Variants in GRIK2 observed in about 807,000 individuals in gnomAD.
GRIK2 encodes the protein glutamate ionotropic receptor kainate type subunit 2, also known as glutamate receptor ionotropic, kainate 2.
Under a neutral mutation model 100.3 loss-of-function variants are expected in GRIK2, and 32 were observed. That is an observed-to-expected ratio of 0.32 (90% CI 0.24 to 0.43). The LOEUF is 0.43. Among genes scored for constraint, GRIK2 ranks in the 20% least tolerant of loss-of-function variants. GRIK2 has a pLI of 1.00. For synonymous variants in GRIK2, 417 were observed against 389.4 expected, an observed-to-expected ratio of 1.07 and a Z score of -0.83; for missense variants, 843 against 1,114.9, an observed-to-expected ratio of 0.76 and a Z score of 3.47.
intron 2 of GRIK2, among the ~76,000 whole-genome samples, chr6:101,486,348 C>A (rs918324083): frequency 4.1e-5 from 5 of 122,658 alleles, no homozygotes; most frequent in African/African-American, 1.6e-4. Flanking sequence ...TGTCTGTAGC[C>A]GAACTTGAAA....
chr6:101,395,422 A>G (rs1774962880), intron 1 of GRIK2, among the ~76,000 whole-genome samples: 1 of 152,164 alleles, frequency 6.6e-6, no homozygotes, highest in African/African-American at 2.4e-5. Context: ...CCTTTGAAAC[A>G]TCTTTGAAAT....
chr6:101,765,167 T>G (rs1009764323), intron 7 of GRIK2, among the ~76,000 whole-genome samples: 5 of 152,140 alleles, frequency 3.3e-5, no homozygotes, highest in Non-Finnish European at 7.4e-5. Flanking sequence ...TCAGTTAGTG[T>G]TTTTTGTATG....
At chr6:101,803,750 T>C (rs560840869) in intron 9 of GRIK2, among the ~76,000 whole-genome samples, 1 of 152,092 alleles carries the variant, frequency 6.6e-6, no homozygotes, top group East Asian at 1.9e-4. Context: ...ATGGCAGTGC[T>C]CTTCATATTA....
At chr6:101,443,522 T>C (rs1770198027) in intron 2 of GRIK2, among the ~76,000 whole-genome samples, 1 of 152,140 alleles carries the variant, frequency 6.6e-6, no homozygotes, top group Admixed American at 6.6e-5. Flanking sequence ...AATCAAGGAA[T>C]TCAATTTTGT....
intron 2 of GRIK2, among the ~76,000 whole-genome samples, chr6:101,484,302 A>C (rs1404616446): frequency 6.6e-6 from 1 of 152,074 alleles, no homozygotes; most frequent in East Asian, 1.9e-4. Flanking sequence ...CTATCCTGCT[A>C]TTTGTGGTTT....
At chr6:102,030,133 A>G (rs1244733031) in intron 14 of GRIK2, among the ~76,000 whole-genome samples, 1 of 151,296 alleles carries the variant, frequency 6.6e-6, no homozygotes, top group Non-Finnish European at 1.5e-5. Context: ...TACACATGGA[A>G]TGTAAAACAA....
intron 14 of GRIK2, among the ~76,000 whole-genome samples, chr6:101,932,103 G>T (rs1790326073): frequency 6.6e-6 from 1 of 151,956 alleles, no homozygotes. Context: ...TATTTTTGAA[G>T]TGAGTCACAT....
chr6:101,565,939 A>G (rs1278154499), intron 2 of GRIK2, among the ~76,000 whole-genome samples: 5 of 138,456 alleles, frequency 3.6e-5, no homozygotes, highest in African/African-American at 8.5e-5. Flanking sequence ...ATATGTGTAT[A>G]TATATATATA....
At chr6:101,900,174 T>G (rs1442739261) in intron 12 of GRIK2, among the ~76,000 whole-genome samples, 1 of 152,098 alleles carries the variant, frequency 6.6e-6, no homozygotes, top group African/African-American at 2.4e-5. Context: ...TTAAACATAT[T>G]TATTTTGGAG....
At chr6:101,767,725 T>A (rs1381965009) in intron 7 of GRIK2, among the ~76,000 whole-genome samples, 1 of 152,122 alleles carries the variant, frequency 6.6e-6, no homozygotes, top group Admixed American at 6.5e-5. Flanking sequence ...GGTGGTGGGA[T>A]CTGAAATGTT....
At chr6:101,833,484 C>A (rs887734163) in intron 10 of GRIK2, among the ~76,000 whole-genome samples, 1 of 152,112 alleles carries the variant, frequency 6.6e-6, no homozygotes, top group African/African-American at 2.4e-5. Context: ...CCACCCACCT[C>A]GGCCTCCCAA....
intron 2 of GRIK2, among the ~76,000 whole-genome samples, chr6:101,437,025 GAT>G (rs778567199): frequency 8.8e-4 from 130 of 147,610 alleles, no homozygotes; most frequent in African/African-American, 1.9e-3. Flanking sequence ...TACCTATATG[GAT>G]ATATATATAT....
intron 12 of GRIK2, among the ~76,000 whole-genome samples, chr6:101,901,893 C>T (rs1330571205): frequency 6.6e-6 from 1 of 151,864 alleles, no homozygotes; most frequent in East Asian, 1.9e-4. Flanking sequence ...CTAAATAATA[C>T]ATTTAATAGC....
At chr6:101,831,206 A>C (rs996413228) in intron 10 of GRIK2, among the ~76,000 whole-genome samples, 4 of 152,146 alleles carry the variant, frequency 2.6e-5, no homozygotes, top group African/African-American at 9.6e-5. Context: ...TGATTTTTTA[A>C]TAGTATCGAG....
chr6:102,051,580 G>T (rs1182387787), intron 15 of GRIK2, among the ~76,000 whole-genome samples: 1 of 152,028 alleles, frequency 6.6e-6, no homozygotes, highest in African/African-American at 2.4e-5. Context: ...TTAAATGTGT[G>T]AATTTTAGAC....
intron 10 of GRIK2, among the ~76,000 whole-genome samples, chr6:101,824,908 G>A (rs1782216607): frequency 6.6e-6 from 1 of 152,170 alleles, no homozygotes; most frequent in South Asian, 2.1e-4. Flanking sequence ...CAGTACAAAA[G>A]AGAGAAGTGA....
intron 7 of GRIK2, among the ~76,000 whole-genome samples, chr6:101,693,128 C>A (rs1772226931): frequency 6.6e-6 from 1 of 152,030 alleles, no homozygotes; most frequent in Non-Finnish European, 1.5e-5. Flanking sequence ...AAATAAGCAG[C>A]ATTTAAGCAT....
At chr6:101,811,672 GT>G (rs1466075244) in intron 9 of GRIK2, among the ~76,000 whole-genome samples, 1 of 151,814 alleles carries the variant, frequency 6.6e-6, no homozygotes, top group Non-Finnish European at 1.5e-5. Flanking sequence ...CATTGATCCG[GT>G]GTACACAAAA....
chr6:101,538,773 T>C (rs1298372218), intron 2 of GRIK2, among the ~76,000 whole-genome samples: 1 of 151,754 alleles, frequency 6.6e-6, no homozygotes, highest in Non-Finnish European at 1.5e-5. Context: ...GTTAGAAATG[T>C]CTGTAGAACA....
Sources: allele counts gnomAD v4.1 joint callset (sites outside exome capture counted in the v4.1 genomes callset), GRCh38; gene constraint gnomAD v4.1.1; transcripts MANE v1.5; gene names NCBI Gene and HGNC (gene_info 2026-07-23, HGNC 2026-07-21).